VEPH1: variants seen among roughly 807,000 people sequenced by gnomAD.
The protein encoded by VEPH1 is ventricular zone expressed PH domain containing 1, also known as ventricular zone-expressed PH domain-containing protein homolog 1.
Under a neutral mutation model 85.2 loss-of-function variants are expected in VEPH1, and 80 were observed. The ratio of observed to expected loss-of-function variants is 0.94; its 90% CI spans 0.78 to 1.13. The LOEUF is 1.13. Ranked by LOEUF, VEPH1 falls within the 50% of genes most tolerant of loss-of-function variation. The pLI, the probability that VEPH1 is intolerant of heterozygous loss-of-function variation, is 0.00. For synonymous variants in VEPH1, 297 were observed against 348.0 expected, an observed-to-expected ratio of 0.85 and a Z score of 1.63; for missense variants, 955 against 980.5, an observed-to-expected ratio of 0.97 and a Z score of 0.35.
At chr3:157,316,991 C>A in intron 10 of VEPH1, 71 bp downstream of exon 10, 1 of 1,471,754 alleles carries the variant, frequency 6.8e-7, no homozygotes, top group South Asian at 1.5e-5. Flanking sequence ...AAGAATAATT[C>A]AATAAAAATG....
chr3:157,495,130 A>T, intron 2 of VEPH1, 82 bp downstream of exon 2: 1 of 1,396,990 alleles, frequency 7.2e-7, no homozygotes. Flanking sequence ...CCCTGCAAAG[A>T]TCTTTCTGCC....
chr3:157,433,770 T>C (rs1470889185), intron 4 of VEPH1, among the ~76,000 whole-genome samples: 2 of 152,216 alleles, frequency 1.3e-5, no homozygotes, highest in Non-Finnish European at 2.9e-5. Context: ...GAACACTCTA[T>C]TCTCAGAAGC....
At chr3:157,501,752 T>A (rs904541391) in intron 1 of VEPH1, among the ~76,000 whole-genome samples, 1 of 152,192 alleles carries the variant, frequency 6.6e-6, no homozygotes, top group African/African-American at 2.4e-5. Flanking sequence ...AGCTTGCAAC[T>A]TAGGTTAGGG....
intron 12 of VEPH1, chr3:157,284,936 A>T (rs1391872339): frequency 2.0e-5 from 3 of 152,214 alleles, no homozygotes; most frequent in African/African-American, 7.2e-5. Flanking sequence ...TGAATTTGAG[A>T]AAACATGTAT....
chr3:157,442,852 A>G (rs2109244707), intron 4 of VEPH1: 1 of 1,614,174 alleles, frequency 6.2e-7, no homozygotes, highest in East Asian at 2.2e-5. Context: ...AATATCTGGG[A>G]TAGTGTTCTT....
intron 4 of VEPH1, among the ~76,000 whole-genome samples, chr3:157,455,427 C>T (rs1458862182): frequency 6.7e-6 from 1 of 150,364 alleles, no homozygotes. Context: ...CCTTTGCCGC[C>T]TTTTTTTTTC....
At chr3:157,267,656 C>A (rs1334316849) in intron 12 of VEPH1, among the ~76,000 whole-genome samples, 1 of 151,978 alleles carries the variant, frequency 6.6e-6, no homozygotes, top group Non-Finnish European at 1.5e-5. Context: ...GTAATCCCAG[C>A]TATTTGGGAA....
rs571946755 is a variant in VEPH1, at chr3:157,367,899, G to T, written c.1128-3387C>A. On this transcript the variant is annotated intron_variant, in intron 7 of 13. Transcript: ENST00000362010. ...TTTTTTTCTTTCTGTCTAAAGCTCT[G>T]GCTTATATCAGTTACAATAATCACA... 2.4e-4 allele frequency among the ~76,000 whole-genome samples: 37 copies of T among 151,866 alleles called. 2 individuals carry two copies. In the South Asian group the frequency reaches 7.5e-3, roughly 31 times the overall value.
chr3:157,467,150 T>TGTGTGTGTGTGA (rs1736461734), intron 3 of VEPH1, among the ~76,000 whole-genome samples: 1 of 150,942 alleles, frequency 6.6e-6, no homozygotes. Context: ...TGTGTGTGTG[T>TGTGTGTGTGTGA]ACACATTTAG....
At chr3:157,300,138 T>G (rs1168552696) in intron 11 of VEPH1, among the ~76,000 whole-genome samples, 1 of 152,118 alleles carries the variant, frequency 6.6e-6, no homozygotes, top group Admixed American at 6.5e-5. Flanking sequence ...TCTAATAGTA[T>G]AGTGCCTGGT....
chr3:157,369,191 A>ACAAAAC (rs1553773102), intron 7 of VEPH1, among the ~76,000 whole-genome samples: 8 of 145,088 alleles, frequency 5.5e-5, no homozygotes, highest in African/African-American at 1.8e-4. Context: ...AAAAAAAAAA[A>ACAAAAC]AAAAAAAAAA....
chr3:157,354,466 A>G (rs1438283690), intron 9 of VEPH1, among the ~76,000 whole-genome samples: 1 of 151,946 alleles, frequency 6.6e-6, no homozygotes, highest in Non-Finnish European at 1.5e-5. Context: ...AACCACCCTA[A>G]TCTAGGGTGC....
chr3:157,437,652 G>A, intron 4 of VEPH1: 1 of 1,545,920 alleles, frequency 6.5e-7, no homozygotes, highest in Non-Finnish European at 8.7e-7. Flanking sequence ...GGCTGCGGGA[G>A]GAGCTGGGCC....
intron 11 of VEPH1, among the ~76,000 whole-genome samples, chr3:157,304,036 T>TATATATATATATATATATATAC (rs1719169962): frequency 1.4e-5 from 1 of 70,198 alleles, no homozygotes; most frequent in Non-Finnish European, 3.9e-5. Context: ...TATATATATA[T>TATATATATATATATATATATAC]ATACACACAT....
chr3:157,280,549 A>C (rs574806979), intron 12 of VEPH1, among the ~76,000 whole-genome samples: 1 of 152,298 alleles, frequency 6.6e-6, no homozygotes, highest in East Asian at 1.9e-4. Context: ...GTTTCTCTTC[A>C]AGATTTACAA....
intron 2 of VEPH1, among the ~76,000 whole-genome samples, chr3:157,488,221 T>C (rs1190847825): frequency 2.0e-5 from 3 of 152,306 alleles, no homozygotes; most frequent in Non-Finnish European, 4.4e-5. Flanking sequence ...CTCTGATCTT[T>C]ATGGGAAAAT....
intron 2 of VEPH1, among the ~76,000 whole-genome samples, chr3:157,471,082 G>A (rs1274386254): frequency 2.0e-5 from 3 of 152,092 alleles, no homozygotes; most frequent in African/African-American, 4.8e-5. Flanking sequence ...CATCTTTACT[G>A]AGAAATAATG....
chr3:157,369,426 A>G (rs970211590), intron 7 of VEPH1, among the ~76,000 whole-genome samples: 2 of 152,230 alleles, frequency 1.3e-5, no homozygotes, highest in African/African-American at 4.8e-5. Flanking sequence ...TCTAAGGCTG[A>G]TGAGAATTCT....
intron 11 of VEPH1, among the ~76,000 whole-genome samples, chr3:157,291,557 T>C (rs1037047538): frequency 2.0e-5 from 3 of 152,304 alleles, no homozygotes; most frequent in Non-Finnish European, 2.9e-5. Flanking sequence ...GAAAGAGACA[T>C]AGTCATCAGT....
Sources: gnomAD v4.1 joint callset for allele counts (sites outside exome capture counted in the v4.1 genomes callset) on GRCh38, gnomAD v4.1.1 for gene constraint, MANE v1.5 for transcripts, NCBI Gene and HGNC (gene_info 2026-07-23, HGNC 2026-07-21) for gene names.